Variants in PNPLA1 observed in about 807,000 individuals in gnomAD.
The protein encoded by PNPLA1 is patatin like domain 1, omega-hydroxyceramide transacylase.
PNPLA1 carries 36 observed loss-of-function variants against 51.7 expected under a neutral mutation model. That is an observed-to-expected ratio of 0.70 (90% CI 0.53 to 0.92). PNPLA1 has a LOEUF of 0.92. Ranked by LOEUF, PNPLA1 falls within the 40% of genes least tolerant of loss-of-function variation. PNPLA1 has a pLI of 0.00. For missense variants in PNPLA1, 658 were observed against 682.5 expected (o/e 0.96, Z 0.40); for synonymous variants, 293 against 280.1 (o/e 1.05, Z -0.46).
chr6:36,285,879 G>T (rs1168071325), intron 1 of PNPLA1, among the ~76,000 whole-genome samples: 2 of 152,146 alleles, frequency 1.3e-5, no homozygotes, highest in Non-Finnish European at 2.9e-5. Flanking sequence ...TGACAGGAGA[G>T]GGAGTGTCTC....
At chr6:36,309,741 C>T (rs1160023719) in intron 8 of PNPLA1, among the ~76,000 whole-genome samples, 3 of 152,200 alleles carry the variant, frequency 2.0e-5, no homozygotes, top group Non-Finnish European at 4.4e-5. Context: ...AGAACAGATG[C>T]TGAGCCTGCC....
chr6:36,291,582 A>AGGG, intron 2 of PNPLA1, 30 bp downstream of exon 2: 2 of 163,190 alleles, frequency 1.2e-5, no homozygotes, highest in Non-Finnish European at 1.3e-5. Flanking sequence ...AGGGAGGGAC[A>AGGG]CGGAGGGGGC....
At chr6:36,288,494 G>A (rs371767932) in intron 1 of PNPLA1, among the ~76,000 whole-genome samples, 12 of 146,290 alleles carry the variant, frequency 8.2e-5, no homozygotes, top group East Asian at 4.0e-4. Flanking sequence ...CGCCCAGGCC[G>A]GACTGCGGAC....
chr6:36,257,025 T>C (rs1438983007), intron 1 of PNPLA1, among the ~76,000 whole-genome samples: 1 of 152,134 alleles, frequency 6.6e-6, no homozygotes, highest in Non-Finnish European at 1.5e-5. Context: ...AAATTTTGCC[T>C]GGGATCTGGG....
rs540340897 is a variant in PNPLA1 at position 36,294,075 on chromosome 6, T to A, written c.505-115T>A. On this transcript the variant is annotated intron_variant, in intron 3 of 8. Transcript: ENST00000636260. The surrounding 1 kb of genome is among the most constrained non-coding windows in gnomAD (Gnocchi z 4.2). Reference sequence around the variant, plus strand: ...GGCTTATCCTGAGGGGTCTTCTGGATCTTCCTTGATGGGCCCTTGAAGCTG... The same window carrying A: ...GGCTTATCCTGAGGGGTCTTCTGGAACTTCCTTGATGGGCCCTTGAAGCTG... 8.1e-7 allele frequency: 1 copy of A among 1,242,046 alleles called. No homozygotes were observed. The highest frequency in any genetic ancestry group is 1.5e-5 in the South Asian group (1 of 68,528). 76.9% of individuals were successfully genotyped at this position (1,242,046 alleles called of 1,614,324 possible).
chr6:36,252,898 G>C (rs932344969), intron 1 of PNPLA1, among the ~76,000 whole-genome samples: 1 of 152,222 alleles, frequency 6.6e-6, no homozygotes, highest in African/African-American at 2.4e-5. Context: ...AGGCAATAGA[G>C]GGCCGGGCGT....
At chr6:36,289,862 G>C (rs941191697) in intron 1 of PNPLA1, among the ~76,000 whole-genome samples, 87 of 152,176 alleles carry the variant, frequency 5.7e-4, no homozygotes, top group African/African-American at 2.1e-3. Context: ...AACACAGGAG[G>C]AGTAGGGCAT....
chr6:36,302,357 G>A lies in PNPLA1; in HGVS notation c.1272G>A (p.Arg424=), dbSNP rs762518482. The A allele has an allele frequency of 1.2e-6, 2 of 1,611,094 alleles. No homozygotes were observed. The highest frequency in any genetic ancestry group is 1.7e-6 in the Non-Finnish European group (2 of 1,178,040). The change falls in exon 6 of 9, where the codon AGG becomes AGA. Residue 424 remains arginine (R), a synonymous_variant. Coordinates refer to ENST00000636260, the MANE Select transcript of PNPLA1 (RefSeq NM_001374623.1). ...ACTCTCAGGCACCCACTTCACCCAG[G>A]CCATCCCTGGGGCCTTCAACTGTGG... is the stretch of plus-strand genomic sequence containing the variant. The part of the protein sequence containing the change: ...SLHSQAPTSP[R]PSLGPSTVGA...
chr6:36,295,214 C>T lies in PNPLA1; in HGVS notation c.715-150C>T, dbSNP rs4713951. On this transcript the variant is annotated intron_variant, in intron 4 of 8. Transcript: ENST00000636260. ...TTGCTCCTCGGTTCTTCTTAGCAGA[C>T]AGTGAGGGATGGGACACTGGATGGG... The T allele has an allele frequency of 0.44, 320,115 of 722,284 alleles. 73,816 individuals carry two copies. Among genetic ancestry groups the T allele is most frequent in the East Asian group, 0.62 (22,694 of 36,554 alleles). 44.7% of individuals were successfully genotyped at this position (722,284 alleles called of 1,614,324 possible). A position where few individuals can be genotyped will look rare whatever the true frequency, so the allele number is the denominator to read the frequency against.
chr6:36,284,745 C>T (rs930041354), intron 1 of PNPLA1, among the ~76,000 whole-genome samples: 4 of 152,190 alleles, frequency 2.6e-5, no homozygotes, highest in Admixed American at 1.3e-4. Context: ...GGGCTACCTT[C>T]CTAAGGTGGG....
At chr6:36,276,055 T>G (rs1770087416) in intron 1 of PNPLA1, among the ~76,000 whole-genome samples, 1 of 151,640 alleles carries the variant, frequency 6.6e-6, no homozygotes, top group African/African-American at 2.4e-5. Flanking sequence ...GCCTCCTGGG[T>G]TCAAGAGATT....
chr6:36,287,540 G>A (rs1770533517), intron 1 of PNPLA1, among the ~76,000 whole-genome samples: 2 of 152,294 alleles, frequency 1.3e-5, no homozygotes, highest in South Asian at 2.1e-4. Flanking sequence ...CTTTAAATGG[G>A]AGAAGGTGCT....
At chr6:36,250,056 G>A (rs1424296482) in intron 1 of PNPLA1, among the ~76,000 whole-genome samples, 1 of 152,200 alleles carries the variant, frequency 6.6e-6, no homozygotes, top group African/African-American at 2.4e-5. Context: ...CATTTGCAGT[G>A]AACGCTTTCG....
intron 1 of PNPLA1, among the ~76,000 whole-genome samples, chr6:36,280,966 T>A (rs902708567): frequency 2.0e-5 from 3 of 152,070 alleles, no homozygotes; most frequent in Admixed American, 6.6e-5. Context: ...ATTTTTAAAA[T>A]TTTTTTTGTA....
intron 1 of PNPLA1, among the ~76,000 whole-genome samples, chr6:36,256,557 T>C (rs1157227911): frequency 6.6e-6 from 1 of 151,986 alleles, no homozygotes; most frequent in African/African-American, 2.4e-5. Context: ...AAACAATTCT[T>C]CTACCTCAGC....
At chr6:36,258,204 A>G (rs1324698172) in intron 1 of PNPLA1, among the ~76,000 whole-genome samples, 1 of 152,112 alleles carries the variant, frequency 6.6e-6, no homozygotes, top group African/African-American at 2.4e-5. Flanking sequence ...GGGTTCAGAG[A>G]TTTGAGCAGA....
chr6:36,276,247 C>T (rs1198002035), intron 1 of PNPLA1, among the ~76,000 whole-genome samples: 1 of 152,192 alleles, frequency 6.6e-6, no homozygotes, highest in Non-Finnish European at 1.5e-5. Flanking sequence ...GCGTGAGCCA[C>T]CGCACCCAGC....
intron 1 of PNPLA1, among the ~76,000 whole-genome samples, chr6:36,287,529 C>A (rs920542536): frequency 6.6e-6 from 1 of 152,030 alleles, no homozygotes; most frequent in South Asian, 2.1e-4. Flanking sequence ...CGGAAGGAGG[C>A]CTTTAAATGG....
intron 1 of PNPLA1, among the ~76,000 whole-genome samples, chr6:36,278,671 A>G (rs1331017724): frequency 6.6e-6 from 1 of 152,234 alleles, no homozygotes; most frequent in Non-Finnish European, 1.5e-5. Context: ...AATTATATGT[A>G]AAGAAAATCT....
Sources: allele counts gnomAD v4.1 joint callset (sites outside exome capture counted in the v4.1 genomes callset), GRCh38; gene constraint gnomAD v4.1.1; non-coding constraint Gnocchi (gnomAD v3.1); transcripts MANE v1.5; gene names NCBI Gene and HGNC (gene_info 2026-07-23, HGNC 2026-07-21).